The following KDM8 variants were observed in gnomAD, a reference collection of about 807,000 sequenced individuals.
The protein encoded by KDM8 is lysine demethylase 8, also known as bifunctional peptidase and arginyl-hydroxylase JMJD5.
In KDM8, 35 loss-of-function variants were observed where a neutral mutation model predicts 46.9. The observed-to-expected ratio is 0.75, with a 90% CI of 0.57 to 0.99. The LOEUF is 0.99. Ranked by LOEUF, KDM8 falls within the 50% of genes least tolerant of loss-of-function variation. The pLI, the probability that KDM8 is intolerant of heterozygous loss-of-function variation, is 0.00. For missense variants in KDM8, 475 were observed against 537.0 expected, an observed-to-expected ratio of 0.88 and a Z score of 1.14; for synonymous variants, 232 against 227.7, an observed-to-expected ratio of 1.02 and a Z score of -0.17.
At chr16:27,205,544 A>C (rs2083419854) in intron 1 of KDM8, among the ~76,000 whole-genome samples, 1 of 152,128 alleles carries the variant, frequency 6.6e-6, no homozygotes, top group African/African-American at 2.4e-5. Flanking sequence ...CACAAAAATA[A>C]ATAAAGCCTT....
chr16:27,210,144 C>T lies in KDM8; in HGVS notation c.21C>T (p.Cys7=), dbSNP rs772831585. MAGDTH[C]PAEPLAREGT... The stretch of plus-strand genomic sequence containing the variant: ...GCCCGATGGCTGGAGACACCCACTG[C>T]CCCGCAGAGCCCCTGGCCAGAGAAG... Residue 7 remains cysteine, a synonymous_variant, in exon 2 of 8, where the codon TGC becomes TGT. Coordinates refer to ENST00000286096, the MANE Select transcript of KDM8 (RefSeq NM_024773.3). 16 of 1,612,914 alleles carry T rather than the reference C, an allele frequency of 9.9e-6. No homozygotes were observed. Among genetic ancestry groups the T allele is most frequent in the South Asian group, 4.4e-5 (4 of 91,062 alleles).
chr16:27,204,333 C>A, intron 1 of KDM8: 2 of 1,362,346 alleles, frequency 1.5e-6, no homozygotes. Context: ...ACAGGAGGTG[C>A]GCAGGCGTTG....
At chr16:27,217,527 G>A (rs2083568914) in intron 5 of KDM8, among the ~76,000 whole-genome samples, 1 of 152,192 alleles carries the variant, frequency 6.6e-6, no homozygotes, top group Non-Finnish European at 1.5e-5. Flanking sequence ...GCCCTGGGAG[G>A]GACCTCAGCT....
rs1567265023 is a variant in KDM8, at chr16:27,214,964, C to T, written c.754C>T (p.Leu252Phe). 6.2e-7 allele frequency: 1 copy of T among 1,614,180 alleles called. No individual in the cohort carries two copies. Among genetic ancestry groups the T allele is most frequent in the Non-Finnish European group, 8.5e-7 (1 of 1,180,010 alleles). ...CACAGATGAGGAATGGTCCCAGACC[C>T]TCATGACGGTCAACGAGTTCATCAG... ...RYTDEEWSQT[L>F]MTVNEFISKY... is the part of the protein sequence containing the mutation. The change falls in exon 4 of 8, where the codon CTC becomes TTC. Residue 252 changes from leucine (L) to phenylalanine (F), a missense_variant. By Grantham distance (22) the Leu-to-Phe change is conservative. Transcript: ENST00000286096.
chr16:27,209,222 C>A (rs1434806612), intron 1 of KDM8, among the ~76,000 whole-genome samples: 2 of 152,190 alleles, frequency 1.3e-5, no homozygotes, highest in Admixed American at 6.5e-5. Flanking sequence ...TGGGGCAAGT[C>A]ACTTCATTTT....
At chr16:27,204,003 C>T in intron 1 of KDM8, 4 of 1,103,974 alleles carry the variant, frequency 3.6e-6, no homozygotes, top group Non-Finnish European at 5.3e-6. Context: ...TTATACTCTG[C>T]TATATGTGTG....
chr16:27,220,688 G>C lies in KDM8; in HGVS notation c.1209G>C (p.Arg403=). The stretch of plus-strand genomic sequence containing the variant: ...CGGTGAAATACTGGCATTACGTGCG[G>C]GCTCTGGATTTGAGCTTCTCGGTCA... ...FIPVKYWHYV[R]ALDLSFSVSF... The change falls in exon 8 of 8, where the codon CGG becomes CGC. Residue 403 remains arginine (R), a synonymous_variant. Transcript: ENST00000286096. 2 of 1,614,194 alleles carry C rather than the reference G, an allele frequency of 1.2e-6. No homozygotes were observed. The highest frequency in any genetic ancestry group is 1.7e-6 in the Non-Finnish European group (2 of 1,180,042).
chr16:27,203,978 G>A (rs564784646), intron 1 of KDM8: 4 of 794,530 alleles, frequency 5.0e-6, no homozygotes, highest in Admixed American at 6.0e-5. Flanking sequence ...TAGGCCTAGT[G>A]CGCCTGCGCG....
At chr16:27,210,018 G>A (rs755324354) in intron 1 of KDM8, 75 bp from the exon 2 acceptor site, 1 of 1,431,772 alleles carries the variant, frequency 7.0e-7, no homozygotes, top group Non-Finnish European at 9.4e-7. Context: ...CAGATGAGAT[G>A]CAGGAAGCTG....
intron 2 of KDM8, chr16:27,211,224 G>A (rs934172407): frequency 2.2e-6 from 1 of 450,864 alleles, no homozygotes; most frequent in African/African-American, 2.0e-5. Flanking sequence ...TTGTGTGGGT[G>A]AGAGCTGCAG....
At chr16:27,215,354 C>A (rs372727291) in intron 4 of KDM8, among the ~76,000 whole-genome samples, 1 of 152,060 alleles carries the variant, frequency 6.6e-6, no homozygotes, top group Non-Finnish European at 1.5e-5. Flanking sequence ...CTGAGGCAGG[C>A]GGATCACTTG....
chr16:27,204,503 A>T, intron 1 of KDM8: 1 of 366,818 alleles, frequency 2.7e-6, no homozygotes, highest in Non-Finnish European at 4.5e-6. Context: ...TACTGCCATA[A>T]TAACATTGAG....
At chr16:27,211,378 A>T in intron 2 of KDM8, 1 of 358,428 alleles carries the variant, frequency 2.8e-6, no homozygotes, top group Non-Finnish European at 5.5e-6. Flanking sequence ...TTTGGGGTCA[A>T]TCTCTCCCAC....
intron 2 of KDM8, chr16:27,211,315 C>T: frequency 2.4e-6 from 1 of 409,990 alleles, no homozygotes; most frequent in South Asian, 1.7e-5. Context: ...CCAGCTGCTC[C>T]TGTCTCTCTG....
In KDM8 at chr16:27,220,682, C is replaced by T. The variant is rs375903292; in HGVS notation, c.1203C>T (p.Tyr401=). 8.7e-6 allele frequency: 14 copies of T among 1,614,048 alleles called. No homozygotes were observed. Among genetic ancestry groups the T allele is most frequent in the South Asian group, 4.4e-5 (4 of 91,078 alleles). The change falls in exon 8 of 8, where the codon TAC becomes TAT. Residue 401 remains tyrosine, a synonymous_variant. Transcript: ENST00000286096. Reference sequence around the variant, plus strand: ...TCATCCCGGTGAAATACTGGCATTACGTGCGGGCTCTGGATTTGAGCTTCT... The same window carrying T: ...TCATCCCGGTGAAATACTGGCATTATGTGCGGGCTCTGGATTTGAGCTTCT... ...ILFIPVKYWH[Y]VRALDLSFSV...
intron 2 of KDM8, chr16:27,211,319 C>A (rs1267153338): frequency 1.7e-5 from 7 of 406,036 alleles, no homozygotes; most frequent in Non-Finnish European, 2.4e-5. Flanking sequence ...CTGCTCCTGT[C>A]TCTCTGCTCC....
chr16:27,210,524 TG>T lies in KDM8; in HGVS notation c.406del (p.Asp136ThrfsTer39). The T allele has an allele frequency of 1.3e-6, 2 of 1,548,888 alleles. No homozygotes were observed. Among genetic ancestry groups the T allele is most frequent in the Non-Finnish European group, 1.7e-6 (2 of 1,145,702 alleles). ...GGCCTGCTGATGGGGGCAGCCATCC[TG>T]GGGGACATCCTTCTTAAAGTCGCTG... ...DMGLLMGAAI[L>X]GDILLKVAAI... is the part of the protein sequence containing the mutation. On this transcript the variant is annotated frameshift_variant, in exon 2 of 8. Transcript: ENST00000286096. LOFTEE classifies it high-confidence loss of function.
intron 1 of KDM8, among the ~76,000 whole-genome samples, chr16:27,208,093 A>G (rs2083444070): frequency 6.6e-6 from 1 of 152,234 alleles, no homozygotes; most frequent in Non-Finnish European, 1.5e-5. Flanking sequence ...TCATAAGGCT[A>G]TTTCATGTGG....
intron 1 of KDM8, among the ~76,000 whole-genome samples, chr16:27,208,109 A>T (rs1359581750): frequency 6.6e-6 from 1 of 152,250 alleles, no homozygotes; most frequent in African/African-American, 2.4e-5. Flanking sequence ...TGTGGCCAAG[A>T]GCAGATAGTT....
Sources: gnomAD v4.1 joint callset for allele counts (sites outside exome capture counted in the v4.1 genomes callset) on GRCh38, gnomAD v4.1.1 for gene constraint, MANE v1.5 for transcripts, NCBI Gene and HGNC (gene_info 2026-07-23, HGNC 2026-07-21) for gene names.